USP6NL: variants seen among roughly 807,000 people sequenced by gnomAD.
The protein encoded by USP6NL is USP6 N-terminal like.
USP6NL carries 26 observed loss-of-function variants against 61.9 expected under a neutral mutation model. The observed-to-expected ratio is 0.42, with a 90% CI of 0.31 to 0.58. The LOEUF (loss-of-function observed/expected upper bound fraction) is 0.58. Ranked by LOEUF, USP6NL falls within the 20% of genes least tolerant of loss-of-function variation. USP6NL has a pLI of 0.16. For missense variants in USP6NL, 1,114 were observed against 1,034.3 expected (o/e 1.08, Z -1.06); for synonymous variants, 432 against 390.1 (o/e 1.11, Z -1.27).
rs1488815075 is a variant in USP6NL, at chr10:11,525,123, ACT to A, written c.155+261_155+262del. 2.6e-5 allele frequency among the ~76,000 whole-genome samples: 4 copies of A among 152,192 alleles called. No homozygotes were observed. The highest frequency in any genetic ancestry group is 2.1e-4 in the South Asian group (1 of 4,836). ...AATACAAATTATCCATTTGCATTTAACTCTGTTGATTTATTAATATAACTCAC... is the reference window on the plus strand; with the variant it reads ...AATACAAATTATCCATTTGCATTTAACTGTTGATTTATTAATATAACTCAC... On this transcript the variant is annotated intron_variant, in intron 4 of 14. Transcript: ENST00000609104. This position sits in a 1 kb window ranked among gnomAD's most constrained non-coding sequence, Gnocchi z 5.0.
rs946081836 is a variant in USP6NL at position 11,596,901 on chromosome 10, C to T, written c.4+730G>A. Among the ~76,000 whole-genome samples the T allele has an allele frequency of 1.3e-5, 2 of 152,020 alleles. No individual in the cohort carries two copies. Among genetic ancestry groups the T allele is most frequent in the Non-Finnish European group, 2.9e-5 (2 of 67,994 alleles). ...ATCAATACAAATACTATGTGAAAAA[C>T]ATTTAAACTCTAATATCATCTTCCA... On this transcript the variant is annotated intron_variant, in intron 2 of 14. Coordinates refer to ENST00000609104, the MANE Select transcript of USP6NL (RefSeq NM_014688.5). This position sits in a 1 kb window ranked among gnomAD's most constrained non-coding sequence, Gnocchi z 4.1.
chr10:11,601,105 A>G (rs1838511935), intron 1 of USP6NL, among the ~76,000 whole-genome samples: 1 of 152,254 alleles, frequency 6.6e-6, no homozygotes, highest in South Asian at 2.1e-4. Flanking sequence ...AGAAACTGAA[A>G]TTTCCATCAA....
rs1009729900 is a variant in USP6NL, at chr10:11,525,189, T to C, written c.155+197A>G. 2.7e-4 allele frequency among the ~76,000 whole-genome samples: 41 copies of C among 152,190 alleles called. No homozygotes were observed. Among genetic ancestry groups the C allele is most frequent in the African/African-American group, 8.4e-4 (35 of 41,456 alleles). ...TGTTCTTACTAAATTGCAAAAAATA[T>C]TAAAAATTATATCTTAAACAGTTAA... On this transcript the variant is annotated intron_variant, in intron 4 of 14. Transcript: ENST00000609104. The surrounding 1 kb of genome is among the most constrained non-coding windows in gnomAD (Gnocchi z 5.0).
chr10:11,604,513 T>A (rs1012019301), intron 1 of USP6NL, among the ~76,000 whole-genome samples: 3 of 152,192 alleles, frequency 2.0e-5, no homozygotes, highest in Non-Finnish European at 1.5e-5. Context: ...GGCATTCTTT[T>A]GGTAAGCCTC....
At chr10:11,607,296 T>C (rs1401898293) in intron 1 of USP6NL, among the ~76,000 whole-genome samples, 5 of 152,200 alleles carry the variant, frequency 3.3e-5, no homozygotes, top group African/African-American at 4.8e-5. Context: ...ACCACAGATA[T>C]GCCAATGGAC....
intron 4 of USP6NL, among the ~76,000 whole-genome samples, chr10:11,521,731 T>A (rs1156811765): frequency 1.3e-5 from 2 of 149,188 alleles, no homozygotes; most frequent in Non-Finnish European, 3.0e-5. Flanking sequence ...TCATATACAG[T>A]CATTTTATAC....
intron 6 of USP6NL, among the ~76,000 whole-genome samples, chr10:11,506,107 C>T (rs1049007781): frequency 3.3e-5 from 5 of 152,116 alleles, no homozygotes; most frequent in African/African-American, 1.2e-4. Context: ...TTGCTTGTTG[C>T]TAACAAGCTG....
At position 11,497,432 on chromosome 10, in the gene USP6NL, G is replaced by GA. The variant is rs1169202373; in HGVS notation, c.384+3668dup. Among the ~76,000 whole-genome samples, 1,351 of 146,828 alleles carry GA rather than the reference G, an allele frequency of 9.2e-3. 21 individuals carry two copies. The highest frequency in any genetic ancestry group is 0.015 in the Non-Finnish European group (963 of 66,262). On this transcript the variant is annotated intron_variant, in intron 7 of 14. Coordinates refer to ENST00000609104, the MANE Select transcript of USP6NL (RefSeq NM_014688.5). ...GTCTCAAAAAAAAAAAAAAAAGAAAGAAAAAACAAAAAAGATAATGGGCAA... is the reference window on the plus strand; with the variant it reads ...GTCTCAAAAAAAAAAAAAAAAGAAAGAAAAAAACAAAAAAGATAATGGGCAA...
In USP6NL at chr10:11,532,305, G is replaced by A. The variant is rs1046211446; in HGVS notation, c.5-4738C>T. ...GAACACACCAAGAGTGCTGCCCGGC[G>A]GTACCTCACACATTCTGCAACTAAC... On this transcript the variant is annotated intron_variant, in intron 2 of 14. Coordinates refer to ENST00000609104, the MANE Select transcript of USP6NL (RefSeq NM_014688.5). The surrounding 1 kb of genome is among the most constrained non-coding windows in gnomAD (Gnocchi z 4.1). 22 of 1,307,034 alleles carry A rather than the reference G, an allele frequency of 1.7e-5. No individual in the cohort carries two copies. The highest frequency in any genetic ancestry group is 1.5e-4 in the Admixed American group (6 of 38,754). 81.0% of individuals were successfully genotyped at this position (1,307,034 alleles called of 1,614,324 possible). A position where few individuals can be genotyped will look rare whatever the true frequency, so the allele number is the denominator to read the frequency against.
At position 11,575,918 on chromosome 10, in the gene USP6NL, G is replaced by A. The variant is rs1397073537; in HGVS notation, c.4+21713C>T. 1.3e-5 allele frequency among the ~76,000 whole-genome samples: 2 copies of A among 152,110 alleles called. No individual in the cohort carries two copies. Among genetic ancestry groups the A allele is most frequent in the Admixed American group, 6.5e-5 (1 of 15,278 alleles). Reference sequence around the variant, plus strand: ...GGCCAAAAAGGGTGAGGGGAAATACGGGACATTTTGGGAGAAGAGGTGAAA... The same window carrying A: ...GGCCAAAAAGGGTGAGGGGAAATACAGGACATTTTGGGAGAAGAGGTGAAA... On this transcript the variant is annotated intron_variant, in intron 2 of 14. Transcript: ENST00000609104. This position sits in a 1 kb window ranked among gnomAD's most constrained non-coding sequence, Gnocchi z 4.2.
In USP6NL at chr10:11,508,711, G is replaced by A. The variant is rs183792367; in HGVS notation, c.276+884C>T. 1.0e-3 allele frequency among the ~76,000 whole-genome samples: 158 copies of A among 152,292 alleles called. 2 individuals carry two copies. Among genetic ancestry groups the A allele is most frequent in the African/African-American group, 3.4e-3 (142 of 41,552 alleles). On this transcript the variant is annotated intron_variant, in intron 6 of 14. Transcript: ENST00000609104. Reference sequence around the variant, plus strand: ...CAGTGACGAGACGGGAAGTGCATACGGAGCTCTGTGCTGCACAACCAAGTG... The same window carrying A: ...CAGTGACGAGACGGGAAGTGCATACAGAGCTCTGTGCTGCACAACCAAGTG...
intron 2 of USP6NL, among the ~76,000 whole-genome samples, chr10:11,547,792 G>A (rs1264128899): frequency 6.6e-6 from 1 of 152,000 alleles, no homozygotes; most frequent in Non-Finnish European, 1.5e-5. Context: ...CGCCCGCCTT[G>A]GCCTCCCCAA....
In USP6NL at chr10:11,553,890, CAAA is replaced by C. The variant is rs35646401; in HGVS notation, c.5-26326_5-26324del. Among the ~76,000 whole-genome samples, 6 of 138,078 alleles carry C rather than the reference CAAA, an allele frequency of 4.3e-5. No homozygotes were observed. Among genetic ancestry groups the C allele is most frequent in the Non-Finnish European group, 3.2e-5 (2 of 63,418 alleles). 90.6% of individuals were successfully genotyped at this position (138,078 alleles called of 152,430 possible). A position where few individuals can be genotyped will look rare whatever the true frequency, so the allele number is the denominator to read the frequency against. On this transcript the variant is annotated intron_variant, in intron 2 of 14. Transcript: ENST00000609104. The surrounding 1 kb of genome is among the most constrained non-coding windows in gnomAD (Gnocchi z 4.8). ...TGGGCAACAGAGTAAGACTCCATCT[CAAA>C]AAAAAAAAAAAGCAAGATTAAAACA...
intron 2 of USP6NL, among the ~76,000 whole-genome samples, chr10:11,542,937 A>G (rs1591908687): frequency 6.6e-6 from 1 of 152,250 alleles, no homozygotes; most frequent in East Asian, 1.9e-4. Context: ...CTCACCCCTC[A>G]CAACTGGGTA....
At chr10:11,517,916 T>C (rs2133374108) in intron 5 of USP6NL, among the ~76,000 whole-genome samples, 1 of 152,338 alleles carries the variant, frequency 6.6e-6, no homozygotes, top group East Asian at 1.9e-4. Context: ...AAGGGAGATT[T>C]CGGACAACCT....
chr10:11,578,491 C>T (rs11257177), intron 2 of USP6NL, among the ~76,000 whole-genome samples: 17,190 of 152,138 alleles, frequency 0.11, 1,281 homozygotes, highest in East Asian at 0.16. Context: ...CTCTATCAGG[C>T]TACTCAAGAG....
intron 2 of USP6NL, among the ~76,000 whole-genome samples, chr10:11,577,300 G>A (rs761405025): frequency 6.6e-6 from 1 of 151,884 alleles, no homozygotes; most frequent in South Asian, 2.1e-4. Flanking sequence ...TCCTGACCTC[G>A]TGATCCACCC....
At position 11,462,220 on chromosome 10, in the gene USP6NL, C is replaced by T. The variant is rs773089900; in HGVS notation, c.*221G>A. 1.3e-5 allele frequency: 7 copies of T among 544,572 alleles called. No individual in the cohort carries two copies. The East Asian group carries it at 2.1e-4, about 17-fold the overall frequency. The allele number at this position is 544,572 out of a possible 1,614,324, so 33.7% of individuals were successfully genotyped here. ...TCCCTAAATGCTATTGCGATGTTTC[C>T]GGGTTAAATTCTAACAGGTCAGTGA... On this transcript the variant is annotated 3_prime_UTR_variant, in exon 15 of 15. Coordinates refer to ENST00000609104, the MANE Select transcript of USP6NL (RefSeq NM_014688.5).
intron 1 of USP6NL, among the ~76,000 whole-genome samples, chr10:11,610,764 A>G (rs1295939540): frequency 6.6e-6 from 1 of 152,072 alleles, no homozygotes; most frequent in Non-Finnish European, 1.5e-5. Flanking sequence ...GTTGGGAAAG[A>G]AAGGGATAAG....
Sources: gnomAD v4.1 joint callset for allele counts (sites outside exome capture counted in the v4.1 genomes callset) on GRCh38, gnomAD v4.1.1 for gene constraint, Gnocchi (gnomAD v3.1) non-coding constraint, MANE v1.5 for transcripts, NCBI Gene and HGNC (gene_info 2026-07-23, HGNC 2026-07-21) for gene names.